Variants in GLI2 observed in about 807,000 individuals in gnomAD.
GLI2 encodes the protein GLI family zinc finger 2.
In GLI2, 22 loss-of-function variants were observed where a neutral mutation model predicts 78.9. The observed-to-expected ratio is 0.28, with a 90% confidence interval of 0.20 to 0.40. GLI2 has a LOEUF of 0.40. Ranked by LOEUF, GLI2 falls within the 10% of genes least tolerant of loss-of-function variation. The pLI, the probability that GLI2 is intolerant of heterozygous loss-of-function variation, is 1.00. For missense variants in GLI2, 2,097 were observed against 2,213.2 expected, an observed-to-expected ratio of 0.95 and a Z score of 1.05; for synonymous variants, 974 against 963.7, an observed-to-expected ratio of 1.01 and a Z score of -0.20.
Position 120,955,297 on chromosome 2 carries a change from C to T in GLI2, c.510C>T (p.Gly170=). Reference sequence around the variant, plus strand: ...GACTGTTTGGCCTTCCTGCTCCAGGCACCACCCCCTCAGACTATTACCACC... The same window carrying T: ...GACTGTTTGGCCTTCCTGCTCCAGGTACCACCCCCTCAGACTATTACCACC... The part of the protein sequence containing the change: ...ERGLFGLPAP[G]TTPSDYYHQM... Residue 170 remains glycine, a synonymous_variant, in exon 5 of 14, where the codon GGC becomes GGT. Transcript: ENST00000361492. The T allele has an allele frequency of 6.2e-7, 1 of 1,612,614 alleles. No homozygotes were observed. Among genetic ancestry groups the T allele is most frequent in the Non-Finnish European group, 8.5e-7 (1 of 1,178,804 alleles).
At chr2:120,908,039 G>C (rs1678630669) in intron 2 of GLI2, among the ~76,000 whole-genome samples, 3 of 152,216 alleles carry the variant, frequency 2.0e-5, no homozygotes, top group Admixed American at 2.0e-4. Context: ...AGGAGCCCTG[G>C]TGTGGACAGC....
At position 120,984,674 on chromosome 2, in the gene GLI2, G is replaced by A; in HGVS notation, c.1836G>A (p.Glu612=). ...AGCCTGGCGGCCCAGAGAGCACCGA[G>A]GCCAGCAGCACCAGCCAGGCCGTGG... is the stretch of plus-strand genomic sequence containing the variant. The part of the protein sequence containing the change: ...GTEPGGPEST[E]ASSTSQAVED... Residue 612 remains glutamate, a synonymous_variant, in exon 12 of 14, where the codon GAG becomes GAA. Coordinates refer to ENST00000361492, the MANE Select transcript of GLI2 (RefSeq NM_001374353.1). 1 of 1,613,782 alleles carries A rather than the reference G, an allele frequency of 6.2e-7. No individual in the cohort carries two copies. Among genetic ancestry groups the A allele is most frequent in the Non-Finnish European group, 8.5e-7 (1 of 1,180,020 alleles).
intron 1 of GLI2, among the ~76,000 whole-genome samples, chr2:120,775,746 A>T (rs1313690060): frequency 6.6e-6 from 1 of 152,166 alleles, no homozygotes; most frequent in African/African-American, 2.4e-5. Context: ...GGTTTGGAAC[A>T]TGAGGGTGGG....
rs868349213 is a variant in GLI2, at chr2:120,968,730, C to T, written c.660C>T (p.Ser220=). 1.1e-5 allele frequency: 18 copies of T among 1,613,374 alleles called. No homozygotes were observed. The highest frequency in any genetic ancestry group is 2.7e-5 in the African/African-American group (2 of 75,044). The stretch of plus-strand genomic sequence containing the variant: ...ATCCCACAGTGTCCCGTTTCTCCAG[C>T]CCGCGGGTGACGCCCCGCCTGAGCC... ...LNPVDVSRFS[S]PRVTPRLSRK... is the part of the protein sequence containing the mutation. Residue 220 remains serine (S), a synonymous_variant, in exon 6 of 14, where the codon AGC becomes AGT. Transcript: ENST00000361492.
chr2:120,986,649 A>G lies in GLI2; in HGVS notation c.2242+35A>G, dbSNP rs2276553. On this transcript the variant is annotated intron_variant, in intron 13 of 13. Coordinates refer to ENST00000361492, the MANE Select transcript of GLI2 (RefSeq NM_001374353.1). ...GGCCTGGGGTTTGCAGATGGGGCAG[A>G]AGAGAGTCTGGGGCAGCACCAACTA... 0.69 allele frequency: 1,084,085 copies of G among 1,568,806 alleles called. 381,722 individuals carry two copies. Among genetic ancestry groups the G allele is most frequent in the Non-Finnish European group, 0.74 (839,569 of 1,140,314 alleles).
At chr2:120,949,957 C>T (rs767214734) in intron 3 of GLI2, among the ~76,000 whole-genome samples, 1 of 152,234 alleles carries the variant, frequency 6.6e-6, no homozygotes, top group Non-Finnish European at 1.5e-5. Flanking sequence ...CCAGTTCCAG[C>T]AGTGGCCTTT....
chr2:120,951,327 C>G lies in GLI2; in HGVS notation c.339C>G (p.Ser113=). The G allele has an allele frequency of 6.3e-7, 1 of 1,586,696 alleles. No homozygotes were observed. The highest frequency in any genetic ancestry group is 8.7e-7 in the Non-Finnish European group (1 of 1,155,144). Residue 113 remains serine (S), a synonymous_variant, in exon 4 of 14, where the codon TCC becomes TCG. Coordinates refer to ENST00000361492, the MANE Select transcript of GLI2 (RefSeq NM_001374353.1). The part of the protein sequence containing the change: ...LSPHPAGPGE[S]PFNAPHPYVN... Reference sequence around the variant, plus strand: ...CGCACCCGGCTGGCCCTGGGGAGTCCCCCTTCAACGCCCCCCACCCGTACG... The same window carrying G: ...CGCACCCGGCTGGCCCTGGGGAGTCGCCCTTCAACGCCCCCCACCCGTACG...
At chr2:120,940,990 C>A (rs1315238522) in intron 3 of GLI2, among the ~76,000 whole-genome samples, 1 of 152,228 alleles carries the variant, frequency 6.6e-6, no homozygotes, top group East Asian at 1.9e-4. Flanking sequence ...GGCCTCAGAC[C>A]CCCAGCTCCC....
In GLI2 at chr2:120,797,567, G is replaced by C. The variant is rs527434657; in HGVS notation, c.148+99G>C. 3 of 1,212,074 alleles carry C rather than the reference G, an allele frequency of 2.5e-6. No homozygotes were observed. The African/African-American group carries it at 4.5e-5, about 18-fold the overall frequency. The allele number at this position is 1,212,074 out of a possible 1,614,324, so 75.1% of individuals were successfully genotyped here. On this transcript the variant is annotated intron_variant, in intron 2 of 13. Coordinates refer to ENST00000361492, the MANE Select transcript of GLI2 (RefSeq NM_001374353.1). The stretch of plus-strand genomic sequence containing the variant: ...GTGGCCCATGTCGTCAGGGAGGCAT[G>C]CTGGGTTTATGGAGGGCGAAGAGGA...
chr2:120,863,734 C>T (rs4848644), intron 2 of GLI2, among the ~76,000 whole-genome samples: 19,749 of 152,178 alleles, frequency 0.13, 1,427 homozygotes, highest in Non-Finnish European at 0.16. Flanking sequence ...GAGAACACAG[C>T]TCATTTGTAA....
At chr2:120,777,361 G>T (rs1683711907) in intron 1 of GLI2, among the ~76,000 whole-genome samples, 1 of 152,040 alleles carries the variant, frequency 6.6e-6, no homozygotes, top group African/African-American at 2.4e-5. Context: ...GGCGTGTGTG[G>T]GGGTGAGGCG....
rs1682624410 is a variant in GLI2 at position 120,979,723 on chromosome 2, T to TGA, written c.1467+1141_1467+1142insAG. 2.0e-5 allele frequency among the ~76,000 whole-genome samples: 3 copies of TGA among 152,288 alleles called. No individual in the cohort carries two copies. The South Asian group carries it at 6.2e-4, about 32-fold the overall frequency. ...TTTTCATCACCCCAGAAAGATACCC[T>TGA]GTACTCATTAGCAGCCACTCCTAAT... is the stretch of plus-strand genomic sequence containing the variant. On this transcript the variant is annotated intron_variant, in intron 10 of 13. Coordinates refer to ENST00000361492, the MANE Select transcript of GLI2 (RefSeq NM_001374353.1).
At chr2:120,860,719 CT>C (rs1687863379) in intron 2 of GLI2, among the ~76,000 whole-genome samples, 1 of 152,158 alleles carries the variant, frequency 6.6e-6, no homozygotes, top group African/African-American at 2.4e-5. Flanking sequence ...GGCAGGGTTC[CT>C]TATGGATCCT....
intron 2 of GLI2, among the ~76,000 whole-genome samples, chr2:120,810,360 G>A (rs572210356): frequency 5.9e-5 from 9 of 152,352 alleles, no homozygotes; most frequent in South Asian, 4.1e-4. Flanking sequence ...TATAGCCCTC[G>A]GAAGTGGCAG....
chr2:120,877,057 G>A (rs1320300063), intron 2 of GLI2, among the ~76,000 whole-genome samples: 1 of 152,316 alleles, frequency 6.6e-6, no homozygotes, highest in South Asian at 2.1e-4. Context: ...GCGGGGCCTC[G>A]GCCTTGGGTC....
At chr2:120,802,605 T>C (rs1237272573) in intron 2 of GLI2, among the ~76,000 whole-genome samples, 2 of 152,226 alleles carry the variant, frequency 1.3e-5, no homozygotes, top group Non-Finnish European at 2.9e-5. Flanking sequence ...TGGGTTCTCT[T>C]TCAAAAATAT....
At chr2:120,753,993 A>G (rs1682964899) in intron 1 of GLI2, among the ~76,000 whole-genome samples, 1 of 151,888 alleles carries the variant, frequency 6.6e-6, no homozygotes, top group South Asian at 2.1e-4. Flanking sequence ...ATCTCTATTA[A>G]AATTGTGTTT....
chr2:120,751,698 G>C (rs1050746541), intron 1 of GLI2, among the ~76,000 whole-genome samples: 6 of 151,956 alleles, frequency 3.9e-5, no homozygotes, highest in African/African-American at 7.3e-5. Context: ...GTTCCTTCTG[G>C]GCCTTTTTCT....
chr2:120,862,047 C>T (rs1203645237), intron 2 of GLI2, among the ~76,000 whole-genome samples: 1 of 152,150 alleles, frequency 6.6e-6, no homozygotes, highest in East Asian at 1.9e-4. Context: ...TGACGTGGCC[C>T]GTGTGTGAGT....
Sources: allele counts gnomAD v4.1 joint callset (sites outside exome capture counted in the v4.1 genomes callset), GRCh38; gene constraint gnomAD v4.1.1; transcripts MANE v1.5; gene names NCBI Gene and HGNC (gene_info 2026-07-23, HGNC 2026-07-21).